The following GALNTL6 variants were observed in gnomAD, a reference collection of about 807,000 sequenced individuals.
GALNTL6 encodes the protein polypeptide N-acetylgalactosaminyltransferase-like 6.
In GALNTL6, 46 loss-of-function variants were observed where a neutral mutation model predicts 73.7. The observed-to-expected ratio is 0.62, with a 90% CI of 0.49 to 0.80. GALNTL6 has a LOEUF of 0.80. GALNTL6 is among the 30% of genes least tolerant of loss of function. GALNTL6 has a pLI of 0.00. For missense variants in GALNTL6, 604 were observed against 755.0 expected (o/e 0.80, Z 2.34); for synonymous variants, 259 against 263.7 (o/e 0.98, Z 0.17).
chr4:171,898,357 A>G (rs1736987802), intron 2 of GALNTL6, among the ~76,000 whole-genome samples: 1 of 152,184 alleles, frequency 6.6e-6, no homozygotes, highest in Admixed American at 6.5e-5. Context: ...ATTCCTAGGT[A>G]TCTACCCAAG....
chr4:172,758,322 G>T (rs1737868562), intron 5 of GALNTL6, among the ~76,000 whole-genome samples: 1 of 152,176 alleles, frequency 6.6e-6, no homozygotes, highest in East Asian at 1.9e-4. Flanking sequence ...ATCACCTGAG[G>T]TCAGGAGTTG....
chr4:171,952,325 G>A (rs1738909188), intron 2 of GALNTL6, among the ~76,000 whole-genome samples: 1 of 151,876 alleles, frequency 6.6e-6, no homozygotes, highest in African/African-American at 2.4e-5. Flanking sequence ...TTTTCCTAAA[G>A]CACTGTTTTG....
In GALNTL6 at chr4:172,218,298, G is replaced by A. The variant is rs552096510; in HGVS notation, c.139-11358G>A. On this transcript the variant is annotated intron_variant, in intron 2 of 12. Coordinates refer to ENST00000506823, the MANE Select transcript of GALNTL6 (RefSeq NM_001034845.3). ...TTTTTCTCTTGACAGTAGGCCTTAG[G>A]CCTTTGTTATGGAGAACCCTCTAGG... Among the ~76,000 whole-genome samples the A allele has an allele frequency of 1.1e-4, 16 of 152,160 alleles. No individual in the cohort carries two copies. In the East Asian group the frequency reaches 2.9e-3, roughly 28 times the overall value.
At chr4:172,966,463 C>T (rs1255413984) in intron 10 of GALNTL6, among the ~76,000 whole-genome samples, 2 of 151,400 alleles carry the variant, frequency 1.3e-5, no homozygotes, top group Non-Finnish European at 2.9e-5. Context: ...CGCATGATCT[C>T]GGCTTACTGC....
chr4:171,944,109 T>G (rs1321022846), intron 2 of GALNTL6, among the ~76,000 whole-genome samples: 1 of 151,928 alleles, frequency 6.6e-6, no homozygotes, highest in African/African-American at 2.4e-5. Flanking sequence ...AAGAAAAAAA[T>G]AAGTATATCT....
intron 2 of GALNTL6, among the ~76,000 whole-genome samples, chr4:171,997,771 G>T (rs949051798): frequency 6.6e-6 from 1 of 152,064 alleles, no homozygotes; most frequent in African/African-American, 2.4e-5. Flanking sequence ...TAGTTGTTGG[G>T]AGTGGGGAAC....
chr4:171,820,118 T>C (rs1695689568), intron 2 of GALNTL6, among the ~76,000 whole-genome samples: 1 of 152,126 alleles, frequency 6.6e-6, no homozygotes, highest in Non-Finnish European at 1.5e-5. Context: ...TATGGAAATA[T>C]GTACTTAGAC....
intron 2 of GALNTL6, among the ~76,000 whole-genome samples, chr4:172,106,145 T>G (rs904797864): frequency 6.6e-6 from 1 of 152,170 alleles, no homozygotes; most frequent in African/African-American, 2.4e-5. Flanking sequence ...AGAGAGTGGC[T>G]TAGATAAGCA....
At chr4:172,961,421 GC>G (rs552629499) in intron 10 of GALNTL6, among the ~76,000 whole-genome samples, 2 of 151,912 alleles carry the variant, frequency 1.3e-5, no homozygotes, top group African/African-American at 4.8e-5. Context: ...GGGGGTTCTT[GC>G]CCCCCCAGAA....
chr4:172,148,998 A>G (rs1733996358), intron 2 of GALNTL6, among the ~76,000 whole-genome samples: 1 of 152,176 alleles, frequency 6.6e-6, no homozygotes, highest in Admixed American at 6.5e-5. Context: ...AGGCTTGTCT[A>G]TCAATAGTCA....
In GALNTL6 at chr4:172,641,437, A is replaced by C. The variant is rs73869576; in HGVS notation, c.554-167924A>C. ...TGTGCTTCTCACATCAGCTTACTAC[A>C]CTTCAGCCAAACTGACCTCCTCCTA... On this transcript the variant is annotated intron_variant, in intron 5 of 12. Transcript: ENST00000506823. Among the ~76,000 whole-genome samples, 1,299 of 152,052 alleles carry C rather than the reference A, an allele frequency of 8.5e-3. 16 individuals carry two copies. The highest frequency in any genetic ancestry group is 0.026 in the African/African-American group (1,089 of 41,506).
At chr4:171,973,820 T>C (rs539264606) in intron 2 of GALNTL6, among the ~76,000 whole-genome samples, 6 of 152,286 alleles carry the variant, frequency 3.9e-5, no homozygotes, top group African/African-American at 9.6e-5. Flanking sequence ...TTGTCACTTA[T>C]ATGGTACCAA....
chr4:172,350,902 G>C (rs946270711), intron 5 of GALNTL6, among the ~76,000 whole-genome samples: 3 of 152,028 alleles, frequency 2.0e-5, no homozygotes, highest in Non-Finnish European at 4.4e-5. Flanking sequence ...ACACAGGTCA[G>C]AATCCCAACA....
chr4:171,850,609 G>C (rs1477987993), intron 2 of GALNTL6, among the ~76,000 whole-genome samples: 1 of 152,162 alleles, frequency 6.6e-6, no homozygotes, highest in African/African-American at 2.4e-5. Flanking sequence ...TGCCAGCATG[G>C]CCTTAAACCC....
chr4:172,414,616 A>G (rs556809812), intron 5 of GALNTL6, among the ~76,000 whole-genome samples: 263 of 152,268 alleles, frequency 1.7e-3, no homozygotes, highest in African/African-American at 6.0e-3. Context: ...TTTTCTGTAG[A>G]TTCCTAGTTT....
chr4:172,695,936 G>A (rs1192785690), intron 5 of GALNTL6, among the ~76,000 whole-genome samples: 1 of 151,862 alleles, frequency 6.6e-6, no homozygotes, highest in African/African-American at 2.4e-5. Flanking sequence ...CTGGGCAACA[G>A]AGCGAGACTC....
rs1378997921 is a variant in GALNTL6 at position 172,348,717 on chromosome 4, T to G, written c.553+28T>G. 7 of 1,474,930 alleles carry G rather than the reference T, an allele frequency of 4.7e-6. No individual in the cohort carries two copies. In the African/African-American group the frequency reaches 7.0e-5, roughly 15 times the overall value. 91.4% of individuals were successfully genotyped at this position (1,474,930 alleles called of 1,614,324 possible). On this transcript the variant is annotated intron_variant, in intron 5 of 12. Transcript: ENST00000506823. ...AAGATACAGTTGATAACATTTTATCTGATTCTGCTACCATTCACATAATCA... is the reference window on the plus strand; with the variant it reads ...AAGATACAGTTGATAACATTTTATCGGATTCTGCTACCATTCACATAATCA...
At chr4:172,295,543 T>G (rs1464855389) in intron 3 of GALNTL6, among the ~76,000 whole-genome samples, 69 of 145,106 alleles carry the variant, frequency 4.8e-4, no homozygotes, top group African/African-American at 1.6e-3. Flanking sequence ...TTTTTTTTTT[T>G]TTTTTTTTTT....
In GALNTL6 at chr4:173,015,285, A is replaced by T. The variant is rs575106213; in HGVS notation, c.1488+5991A>T. 2.6e-5 allele frequency among the ~76,000 whole-genome samples: 4 copies of T among 152,352 alleles called. No homozygotes were observed. In the South Asian group the frequency reaches 8.3e-4, roughly 32 times the overall value. ...GGTAGGGTAGGGTGCTGCTATAAGG[A>T]TACCTGAAAATGTGGCAGCAACTGT... On this transcript the variant is annotated intron_variant, in intron 11 of 12. Coordinates refer to ENST00000506823, the MANE Select transcript of GALNTL6 (RefSeq NM_001034845.3).
Sources: gnomAD v4.1 joint callset for allele counts (sites outside exome capture counted in the v4.1 genomes callset) on GRCh38, gnomAD v4.1.1 for gene constraint, MANE v1.5 for transcripts, NCBI Gene and HGNC (gene_info 2026-07-23, HGNC 2026-07-21) for gene names.